The following THADA variants were observed in gnomAD, a reference collection of about 807,000 sequenced individuals.
THADA encodes the protein THADA armadillo repeat containing.
THADA carries 213 observed loss-of-function variants against 219.8 expected under a neutral mutation model. That is an observed-to-expected ratio of 0.97 (90% CI 0.87 to 1.09). The LOEUF (loss-of-function observed/expected upper bound fraction) is 1.09, where lower values mean the gene tolerates loss of function less well. Among genes scored for constraint, THADA ranks in the 50% least tolerant of loss-of-function variants. THADA has a pLI of 0.00. For missense variants in THADA, 2,956 were observed against 2,311.3 expected (o/e 1.28, Z -5.72); for synonymous variants, 1,018 against 828.9 (o/e 1.23, Z -3.92).
chr2:43,304,022 A>G (rs1676562243), intron 31 of THADA, among the ~76,000 whole-genome samples: 1 of 152,208 alleles, frequency 6.6e-6, no homozygotes. Flanking sequence ...CAGTGTAAAC[A>G]TCTTGCCATG....
chr2:43,335,797 T>TA (rs143938377), intron 30 of THADA, among the ~76,000 whole-genome samples: 29,718 of 123,414 alleles, frequency 0.24, 3,616 homozygotes, highest in Middle Eastern at 0.38. Context: ...GTCTCTACTT[T>TA]AAAAAAAAAA....
intron 7 of THADA, among the ~76,000 whole-genome samples, chr2:43,582,829 A>G (rs149512352): frequency 1.3e-3 from 202 of 152,062 alleles, no homozygotes; most frequent in African/African-American, 4.6e-3. Flanking sequence ...TCGCCCTCCC[A>G]AAGTGCTGAG....
intron 29 of THADA, among the ~76,000 whole-genome samples, chr2:43,392,973 A>G (rs928187020): frequency 6.6e-6 from 1 of 152,170 alleles, no homozygotes; most frequent in African/African-American, 2.4e-5. Flanking sequence ...TCTAGGATCC[A>G]TAACTCCTAT....
At chr2:43,332,562 A>C (rs1443313412) in intron 30 of THADA, among the ~76,000 whole-genome samples, 2 of 152,250 alleles carry the variant, frequency 1.3e-5, no homozygotes, top group Admixed American at 1.3e-4. Flanking sequence ...GAATGGCTCA[A>C]TGAAGGTAAC....
At chr2:43,568,178 G>A (rs1698900913) in intron 14 of THADA, among the ~76,000 whole-genome samples, 1 of 152,176 alleles carries the variant, frequency 6.6e-6, no homozygotes, top group African/African-American at 2.4e-5. Flanking sequence ...GGATAAGAAT[G>A]TTATCTCACA....
intron 26 of THADA, among the ~76,000 whole-genome samples, chr2:43,433,656 TTGTG>T (rs960871213): frequency 1.3e-5 from 2 of 151,438 alleles, no homozygotes; most frequent in African/African-American, 4.8e-5. Flanking sequence ...AAAACAGTAA[TTGTG>T]TGTGTGTGTG....
At chr2:43,233,185 C>T (rs995366397) in intron 36 of THADA, 2 of 314,632 alleles carry the variant, frequency 6.4e-6, no homozygotes, top group Non-Finnish European at 1.2e-5. Flanking sequence ...CCAGTGTCAC[C>T]AGAAGGATCA....
chr2:43,369,172 T>G (rs892151099), intron 29 of THADA, among the ~76,000 whole-genome samples: 4 of 152,250 alleles, frequency 2.6e-5, no homozygotes, highest in Admixed American at 1.3e-4. Context: ...CCTGCTTCCT[T>G]CAGTCCTGCC....
intron 28 of THADA, among the ~76,000 whole-genome samples, chr2:43,400,314 C>T (rs1254523824): frequency 1.3e-5 from 2 of 151,842 alleles, no homozygotes; most frequent in African/African-American, 4.8e-5. Context: ...CAAAACAAAA[C>T]CTCTCCTCAA....
In THADA at chr2:43,293,132, A is replaced by G; in HGVS notation, c.4520T>C (p.Phe1507Ser). Reference protein sequence around the residue: ...SELITGFPWAFKVPGLPQYLQ... With the variant: ...SELITGFPWASKVPGLPQYLQ... ...GTACTGGGGCAGGCCTGGCACCTTG[A>G]AGGCCCAAGGGAATCCCGTTATCAG... The change falls in exon 32 of 38, where the codon TTC becomes TCC. Residue 1507 changes from phenylalanine to serine, a missense_variant. Physicochemically the swap from Phe to Ser is radical, Grantham distance 155. Coordinates refer to ENST00000405975, the MANE Select transcript of THADA (RefSeq NM_022065.5). 6.2e-7 allele frequency: 1 copy of G among 1,614,014 alleles called. No homozygotes were observed. The highest frequency in any genetic ancestry group is 8.5e-7 in the Non-Finnish European group (1 of 1,179,900).
At chr2:43,515,681 T>C (rs935693246) in intron 22 of THADA, among the ~76,000 whole-genome samples, 2 of 151,806 alleles carry the variant, frequency 1.3e-5, no homozygotes, top group African/African-American at 2.4e-5. Flanking sequence ...AGTTTCTCAC[T>C]GGCAATAACA....
intron 21 of THADA, among the ~76,000 whole-genome samples, chr2:43,529,155 T>A (rs571553548): frequency 7.9e-5 from 12 of 151,410 alleles, no homozygotes; most frequent in Admixed American, 4.6e-4. Context: ...ATGACTTTTT[T>A]TAAAAAAAAA....
rs1697916759 is a variant in THADA, at chr2:43,560,402, A to G, written c.2312-17T>C. The G allele has an allele frequency of 6.7e-7, 1 of 1,490,856 alleles. No individual in the cohort carries two copies. The highest frequency in any genetic ancestry group is 9.0e-7 in the Non-Finnish European group (1 of 1,115,854). 92.4% of individuals were successfully genotyped at this position (1,490,856 alleles called of 1,614,324 possible). A position where few individuals can be genotyped will look rare whatever the true frequency, so the allele number is the denominator to read the frequency against. ...AAATTCTGCCTAAAAATATTTTAAAAACAAAAAGATTTAAAAGTGAACAAA... is the reference window on the plus strand; with the variant it reads ...AAATTCTGCCTAAAAATATTTTAAAGACAAAAAGATTTAAAAGTGAACAAA... On this transcript the variant is annotated splice_polypyrimidine_tract_variant and intron_variant, in intron 15 of 37. Transcript: ENST00000405975.
intron 9 of THADA, among the ~76,000 whole-genome samples, chr2:43,577,566 G>GA (rs1469173900): frequency 3.3e-5 from 5 of 151,140 alleles, no homozygotes; most frequent in Non-Finnish European, 5.9e-5. Context: ...GGTGATTTGA[G>GA]AAATAAACAT....
Position 43,574,511 on chromosome 2 carries a change from C to T in THADA, c.1554G>A (p.Trp518Ter), listed in dbSNP as rs1333276578. Residue 518 changes from tryptophan to a stop codon, truncating the protein, a stop_gained, in exon 11 of 38, where the codon TGG becomes TGA. Transcript: ENST00000405975. LOFTEE classifies it high-confidence loss of function. ...HLKSQTAESS[W>*]IDQWHETWVS... ...CCCAAGTCTCATGCCACTGGTCAATCCAAGAACTCTCAGCAGTCTGGGATT... is the reference window on the plus strand; with the variant it reads ...CCCAAGTCTCATGCCACTGGTCAATTCAAGAACTCTCAGCAGTCTGGGATT... 1.2e-6 allele frequency: 2 copies of T among 1,613,894 alleles called. No homozygotes were observed. Among genetic ancestry groups the T allele is most frequent in the Non-Finnish European group, 1.7e-6 (2 of 1,179,862 alleles).
intron 22 of THADA, among the ~76,000 whole-genome samples, chr2:43,510,762 G>A (rs1334963874): frequency 6.6e-6 from 1 of 151,524 alleles, no homozygotes; most frequent in Non-Finnish European, 1.5e-5. Flanking sequence ...CCTGAGGTCA[G>A]GAGTTCAAGA....
intron 24 of THADA, 28 bp downstream of exon 24, chr2:43,505,594 T>G: frequency 1.4e-6 from 2 of 1,477,620 alleles, no homozygotes; most frequent in African/African-American, 2.8e-5. Flanking sequence ...AAAACAACAC[T>G]GGAGGGTTTG....
At chr2:43,568,406 G>T (rs1698924081) in intron 14 of THADA, among the ~76,000 whole-genome samples, 1 of 152,130 alleles carries the variant, frequency 6.6e-6, no homozygotes, top group Non-Finnish European at 1.5e-5. Flanking sequence ...TTATGATGGT[G>T]TGACGATTAT....
chr2:43,363,140 A>C (rs2104595044), intron 29 of THADA, among the ~76,000 whole-genome samples: 1 of 152,352 alleles, frequency 6.6e-6, no homozygotes, highest in East Asian at 1.9e-4. Context: ...AATATACTCT[A>C]AAGTAACAAT....
Sources: allele counts gnomAD v4.1 joint callset (sites outside exome capture counted in the v4.1 genomes callset), GRCh38; gene constraint gnomAD v4.1.1; transcripts MANE v1.5; gene names NCBI Gene and HGNC (gene_info 2026-07-23, HGNC 2026-07-21).